Variants in NPC1 observed in about 807,000 individuals in gnomAD.
The protein encoded by NPC1 is Niemann-Pick C1 protein.
In NPC1, 85 loss-of-function variants were observed where a neutral mutation model predicts 140.4. The ratio of observed to expected loss-of-function variants is 0.61; its 90% CI spans 0.51 to 0.72. The LOEUF is 0.72. Among genes scored for constraint, NPC1 ranks in the 30% least tolerant of loss-of-function variants. The pLI is 0.00. For missense variants in NPC1, 1,504 were observed against 1,623.8 expected (o/e 0.93, Z 1.27); for synonymous variants, 656 against 624.8 (o/e 1.05, Z -0.74).
chr18:23,529,927 T>G, downstream of NPC1: 1 of 1,201,016 alleles, frequency 8.3e-7, no homozygotes, highest in Non-Finnish European at 1.2e-6. Flanking sequence ...AATGACAGAC[T>G]TTTACTGTGT....
At chr18:23,577,762 C>T (rs1599020649) in intron 1 of NPC1, among the ~76,000 whole-genome samples, 1 of 152,214 alleles carries the variant, frequency 6.6e-6, no homozygotes, top group African/African-American at 2.4e-5. Context: ...CTGCAGGTCC[C>T]GAGCCCTGCC....
intron 3 of NPC1, chr18:23,516,327 C>T (rs139940827): frequency 1.2e-6 from 2 of 1,614,092 alleles, no homozygotes; most frequent in African/African-American, 2.7e-5. Flanking sequence ...CAGGCTGGCA[C>T]TATGTCGAAG....
intron 3 of NPC1, among the ~76,000 whole-genome samples, chr18:23,510,644 C>T (rs2057828986): frequency 6.6e-6 from 1 of 150,892 alleles, no homozygotes; most frequent in Non-Finnish European, 1.5e-5. Context: ...GAGACTCCGT[C>T]TCAAAAAAAA....
intron 6 of NPC1, among the ~76,000 whole-genome samples, chr18:23,559,111 C>T (rs2058998504): frequency 1.3e-5 from 2 of 152,150 alleles, no homozygotes; most frequent in African/African-American, 2.4e-5. Context: ...TTTTCTTAAT[C>T]CAGTCTATCG....
chr18:23,540,071 T>A, intron 17 of NPC1, 70 bp from the exon 18 acceptor site: 1 of 1,373,508 alleles, frequency 7.3e-7, no homozygotes, highest in Non-Finnish European at 1.0e-6. Flanking sequence ...GCGAGGATCA[T>A]GGAGAATAAG....
downstream of NPC1, chr18:23,528,200 C>CA (rs544309356): frequency 3.0e-4 from 70 of 233,912 alleles, 2 homozygotes; most frequent in South Asian, 7.7e-3. Context: ...TGAGAAAAAT[C>CA]AGTCTCTGCT....
rs747470969 is a variant in NPC1 at position 23,548,102 on chromosome 18, T to C, written c.1661A>G (p.Asn554Ser). Reference sequence around the variant, plus strand: ...CACAAGGGCAGTGGCGTTATTGTAGTTTTGATCTAGAAAGGAAAAATGTGA... The same window carrying C: ...CACAAGGGCAGTGGCGTTATTGTAGCTTTGATCTAGAAAGGAAAAATGTGA... ...WLVLGGYDDQ[N>S]YNNATALVIT... Residue 554 changes from asparagine to serine, a missense_variant, in exon 11 of 25, where the codon AAC becomes AGC. Transcript: ENST00000269228. 1 of 1,601,004 alleles carries C rather than the reference T, an allele frequency of 6.2e-7. No individual in the cohort carries two copies. The highest frequency in any genetic ancestry group is 1.1e-5 in the South Asian group (1 of 90,802).
rs1408963652 is a variant in NPC1, at chr18:23,573,512, G to A, written c.120C>T (p.Tyr40=). ...TTGGTGGGCCAGAATATTCGCAATT[G>A]TACCTCTTGTCCCCATATGCAATTC... is the stretch of plus-strand genomic sequence containing the variant. ...ECGIAYGDKR[Y]NCEYSGPPKP... Residue 40 remains tyrosine, a synonymous_variant, in exon 2 of 25, where the codon TAC becomes TAT. Transcript: ENST00000269228. The A allele has an allele frequency of 1.2e-6, 2 of 1,614,078 alleles. No individual in the cohort carries two copies. The highest frequency in any genetic ancestry group is 8.5e-7 in the Non-Finnish European group (1 of 1,180,002).
chr18:23,556,220 T>C, intron 8 of NPC1, 23 bp downstream of exon 8: 1 of 1,610,584 alleles, frequency 6.2e-7, no homozygotes, highest in Non-Finnish European at 8.5e-7. Flanking sequence ...TAGAGTGACT[T>C]ATTTCTTCAA....
At chr18:23,506,862 C>G in intron 3 of NPC1, 1 of 752,774 alleles carries the variant, frequency 1.3e-6, no homozygotes, top group Non-Finnish European at 2.2e-6. Context: ...TAATTTTAGA[C>G]TAGAATTTGC....
intron 10 of NPC1, among the ~76,000 whole-genome samples, chr18:23,548,475 C>T (rs924591324): frequency 6.6e-6 from 1 of 152,018 alleles, no homozygotes; most frequent in Non-Finnish European, 1.5e-5. Flanking sequence ...ATACTGTGAC[C>T]ATCTGCGAAT....
In NPC1 at chr18:23,543,487, G is replaced by A. The variant is rs777286835; in HGVS notation, c.2213C>T (p.Ser738Leu). The change falls in exon 14 of 25, where the codon TCA becomes TTA. Residue 738 changes from serine to leucine, a missense_variant. Ser to Leu is a moderately radical substitution (Grantham distance 145, BLOSUM62 -2). Coordinates refer to ENST00000269228, the MANE Select transcript of NPC1 (RefSeq NM_000271.5). ...LGEVAPSMFL[S>L]SFSETVAFFL... is the part of the protein sequence containing the mutation. ...AAATGCTACAGTCTCAGAAAAGGAT[G>A]ACAGGAACATACTGGGAGCCACTTC... 1 of 1,611,208 alleles carries A rather than the reference G, an allele frequency of 6.2e-7. No individual in the cohort carries two copies. The highest frequency in any genetic ancestry group is 8.5e-7 in the Non-Finnish European group (1 of 1,178,088).
At position 23,586,361 on chromosome 18, in the gene NPC1, C is replaced by G; in HGVS notation, c.-18G>C. Reference sequence around the variant, plus strand: ...GCGGTCATGCTGTGGCCGCGCAAGGCTGCTGACGCCGGCGGCGTTCGGCTG... The same window carrying G: ...GCGGTCATGCTGTGGCCGCGCAAGGGTGCTGACGCCGGCGGCGTTCGGCTG... On this transcript the variant is annotated 5_prime_UTR_variant, in exon 1 of 25. Coordinates refer to ENST00000269228, the MANE Select transcript of NPC1 (RefSeq NM_000271.5). 1.3e-6 allele frequency: 2 copies of G among 1,532,074 alleles called. No individual in the cohort carries two copies. Among genetic ancestry groups the G allele is most frequent in the Non-Finnish European group, 1.7e-6 (2 of 1,145,506 alleles). The allele number at this position is 1,532,074 out of a possible 1,614,324, so 94.9% of individuals were successfully genotyped here.
chr18:23,515,933 G>C (rs751697840), intron 3 of NPC1: 1 of 1,614,154 alleles, frequency 6.2e-7, no homozygotes, highest in South Asian at 1.1e-5. Context: ...ACTGCCCCGA[G>C]AGCGCCGTGA....
chr18:23,529,956 C>T (rs111422358), downstream of NPC1: 28 of 1,392,250 alleles, frequency 2.0e-5, 2 homozygotes, highest in African/African-American at 1.6e-4. Context: ...ATAGCCAGTC[C>T]TTGGGGAGCC....
At chr18:23,572,224 G>C (rs1357808184) in intron 2 of NPC1, 44 bp from the exon 3 acceptor site, 2 of 1,354,070 alleles carry the variant, frequency 1.5e-6, no homozygotes, top group African/African-American at 2.9e-5. Flanking sequence ...GCAACAGTTA[G>C]AGTAAGGTCA....
intron 1 of NPC1, among the ~76,000 whole-genome samples, chr18:23,580,473 A>T (rs2059343902): frequency 6.6e-6 from 1 of 152,196 alleles, no homozygotes; most frequent in Non-Finnish European, 1.5e-5. Context: ...CCTATCTTTT[A>T]AAGTATCTCT....
chr18:23,544,939 C>G, intron 12 of NPC1, 21 bp downstream of exon 12: 3 of 1,325,700 alleles, frequency 2.3e-6, no homozygotes, highest in Non-Finnish European at 3.2e-6. Flanking sequence ...CTAGAACATA[C>G]ACCACCCCCC....
chr18:23,542,014 A>T (rs1247110867), intron 14 of NPC1, among the ~76,000 whole-genome samples: 1 of 152,134 alleles, frequency 6.6e-6, no homozygotes, highest in Non-Finnish European at 1.5e-5. Flanking sequence ...TTTACACAAA[A>T]ATCTAGATTC....
Sources: gnomAD v4.1 joint callset for allele counts (sites outside exome capture counted in the v4.1 genomes callset) on GRCh38, gnomAD v4.1.1 for gene constraint, MANE v1.5 for transcripts, NCBI Gene and HGNC (gene_info 2026-07-23, HGNC 2026-07-21) for gene names.